Variants in RIN2 observed in about 807,000 individuals in gnomAD.
The protein encoded by RIN2 is RAB5 interacting protein 2.
A neutral mutation model predicts 78.0 loss-of-function variants in RIN2; 36 were observed. The observed-to-expected ratio is 0.46, with a 90% CI of 0.35 to 0.61. RIN2 has a LOEUF of 0.61. RIN2 is among the 20% of genes least tolerant of loss of function. The probability of loss-of-function intolerance (pLI) is 0.00; values close to 1 mark genes in which losing one functional copy is unlikely to be tolerated. For synonymous variants in RIN2, 466 were observed against 466.8 expected, an observed-to-expected ratio of 1.00 and a Z score of 0.02; for missense variants, 1,087 against 1,159.7, an observed-to-expected ratio of 0.94 and a Z score of 0.91.
chr20:19,809,873 A>G (rs2035532943), intron 2 of RIN2, among the ~76,000 whole-genome samples: 1 of 152,208 alleles, frequency 6.6e-6, no homozygotes, highest in South Asian at 2.1e-4. Flanking sequence ...GACCTGGCCC[A>G]GAAATTGAAG....
chr20:19,876,415 G>A (rs1190009240), intron 2 of RIN2, among the ~76,000 whole-genome samples: 2 of 152,112 alleles, frequency 1.3e-5, no homozygotes, highest in African/African-American at 2.4e-5. Flanking sequence ...AAAGGGAAGA[G>A]GAGAGAAAAG....
At chr20:19,801,044 C>A (rs572762270) in intron 2 of RIN2, among the ~76,000 whole-genome samples, 4 of 152,128 alleles carry the variant, frequency 2.6e-5, no homozygotes, top group Admixed American at 6.5e-5. Flanking sequence ...AGAAAGCAAA[C>A]CCTTGCAGAG....
At chr20:19,968,069 A>T (rs1412060953) in intron 7 of RIN2, among the ~76,000 whole-genome samples, 1 of 152,122 alleles carries the variant, frequency 6.6e-6, no homozygotes, top group East Asian at 1.9e-4. Context: ...TTAGGGTCCA[A>T]CACATCCAGG....
chr20:19,773,308 TA>T (rs1568739069), intron 1 of RIN2, among the ~76,000 whole-genome samples: 2 of 152,178 alleles, frequency 1.3e-5, no homozygotes, highest in Non-Finnish European at 2.9e-5. Context: ...CCAATGCTAG[TA>T]GGGGTGAGAA....
chr20:19,765,347 T>G (rs1648636294), intron 1 of RIN2, among the ~76,000 whole-genome samples: 1 of 152,176 alleles, frequency 6.6e-6, no homozygotes, highest in Non-Finnish European at 1.5e-5. Flanking sequence ...GGGCATTGAT[T>G]GTATGTGTTC....
At chr20:19,864,416 C>T (rs2037436697) in intron 2 of RIN2, among the ~76,000 whole-genome samples, 2 of 152,148 alleles carry the variant, frequency 1.3e-5, no homozygotes. Context: ...TGACGCTTGG[C>T]TCTATAAACA....
chr20:19,967,137 C>T (rs1008172355), intron 7 of RIN2, among the ~76,000 whole-genome samples: 18 of 152,188 alleles, frequency 1.2e-4, no homozygotes, highest in African/African-American at 3.6e-4. Context: ...AGAAAAGTTA[C>T]CATCAGTGTT....
chr20:19,786,424 AAG>A (rs1230305392), intron 1 of RIN2, among the ~76,000 whole-genome samples: 2 of 152,136 alleles, frequency 1.3e-5, no homozygotes, highest in South Asian at 2.1e-4. Flanking sequence ...TACATGAAGA[AAG>A]AGAGAGATAC....
intron 9 of RIN2, 124 bp from the exon 10 acceptor site, chr20:19,989,882 A>T: frequency 1.1e-6 from 1 of 910,190 alleles, no homozygotes; most frequent in Non-Finnish European, 1.6e-6. Flanking sequence ...GTTGGATGTT[A>T]AGGTGTACAA....
chr20:19,804,268 C>T (rs1366999419), intron 2 of RIN2, among the ~76,000 whole-genome samples: 2 of 152,150 alleles, frequency 1.3e-5, no homozygotes, highest in Non-Finnish European at 2.9e-5. Flanking sequence ...GCATCCTTAT[C>T]TTGTGCTAGT....
intron 2 of RIN2, among the ~76,000 whole-genome samples, chr20:19,837,349 C>A (rs1298948788): frequency 6.6e-6 from 1 of 152,162 alleles, no homozygotes; most frequent in Non-Finnish European, 1.5e-5. Context: ...AATTAAAATA[C>A]CTCCAGGGAA....
intron 4 of RIN2, among the ~76,000 whole-genome samples, chr20:19,944,086 T>A (rs372745746): frequency 6.7e-6 from 1 of 148,308 alleles, no homozygotes; most frequent in East Asian, 2.1e-4. Flanking sequence ...TCATTGGATA[T>A]CAACTTCTAT....
intron 6 of RIN2, among the ~76,000 whole-genome samples, chr20:19,964,361 G>A (rs990611750): frequency 7.2e-5 from 11 of 151,882 alleles, no homozygotes; most frequent in Non-Finnish European, 1.3e-4. Context: ...CTCCCTCCTC[G>A]GCCTCCCAAA....
chr20:19,858,775 A>G (rs1413581481), intron 2 of RIN2, among the ~76,000 whole-genome samples: 2 of 152,134 alleles, frequency 1.3e-5, no homozygotes, highest in African/African-American at 4.8e-5. Context: ...CAATAATTCC[A>G]TGATCTCATC....
At chr20:19,964,045 G>A (rs1174630598) in intron 6 of RIN2, among the ~76,000 whole-genome samples, 1 of 151,858 alleles carries the variant, frequency 6.6e-6, no homozygotes, top group African/African-American at 2.4e-5. Flanking sequence ...TGTATTTTCA[G>A]TAGAGACAGG....
chr20:19,906,109 T>C (rs2039209460), intron 3 of RIN2, among the ~76,000 whole-genome samples: 1 of 152,208 alleles, frequency 6.6e-6, no homozygotes, highest in South Asian at 2.1e-4. Flanking sequence ...TTCCATTCTC[T>C]ATCCTGAACT....
chr20:19,810,017 C>T (rs570899840), intron 2 of RIN2, among the ~76,000 whole-genome samples: 105 of 152,038 alleles, frequency 6.9e-4, no homozygotes, highest in African/African-American at 2.4e-3. Context: ...AGGCAGAAGC[C>T]GGCTGACTGC....
chr20:19,798,222 A>G (rs1217454832), intron 1 of RIN2, among the ~76,000 whole-genome samples: 4 of 152,122 alleles, frequency 2.6e-5, no homozygotes, highest in Non-Finnish European at 5.9e-5. Context: ...ATTTTTTTAT[A>G]TAAGAACCCA....
At chr20:19,785,478 T>C (rs2034646841) in intron 1 of RIN2, among the ~76,000 whole-genome samples, 1 of 152,174 alleles carries the variant, frequency 6.6e-6, no homozygotes, top group African/African-American at 2.4e-5. Flanking sequence ...GAAATTCAGT[T>C]TGCAGATGCT....
Sources: gnomAD v4.1 joint callset for allele counts (sites outside exome capture counted in the v4.1 genomes callset) on GRCh38, gnomAD v4.1.1 for gene constraint, MANE v1.5 for transcripts, NCBI Gene and HGNC (gene_info 2026-07-23, HGNC 2026-07-21) for gene names.